Variants in PARD3 observed in about 807,000 individuals in gnomAD.
The protein encoded by PARD3 is par-3 family cell polarity regulator.
A neutral mutation model predicts 155.4 loss-of-function variants in PARD3; 75 were observed. The ratio of observed to expected loss-of-function variants is 0.48; its 90% CI spans 0.40 to 0.58. The LOEUF (loss-of-function observed/expected upper bound fraction) is 0.58. Among genes scored for constraint, PARD3 ranks in the 20% least tolerant of loss-of-function variants. PARD3 has a pLI of 0.00. For synonymous variants in PARD3, 576 were observed against 610.5 expected, an observed-to-expected ratio of 0.94 and a Z score of 0.83; for missense variants, 1,642 against 1,721.7, an observed-to-expected ratio of 0.95 and a Z score of 0.82.
intron 2 of PARD3, among the ~76,000 whole-genome samples, chr10:34,599,053 T>C (rs116666981): frequency 3.9e-5 from 6 of 151,940 alleles, no homozygotes; most frequent in African/African-American, 1.4e-4. Context: ...AACACAAGGG[T>C]CATGCCTGAA....
chr10:34,229,179 T>A (rs532059811), intron 22 of PARD3, among the ~76,000 whole-genome samples: 1 of 152,178 alleles, frequency 6.6e-6, no homozygotes, highest in South Asian at 2.1e-4. Context: ...TGCTTCTGCA[T>A]GAGATGCCTC....
intron 2 of PARD3, among the ~76,000 whole-genome samples, chr10:34,639,152 T>C (rs1043800430): frequency 6.6e-6 from 1 of 152,102 alleles, no homozygotes; most frequent in Admixed American, 6.5e-5. Flanking sequence ...TCCCAGCACT[T>C]TGGGAGGCCT....
chr10:34,283,991 C>T, intron 21 of PARD3, 144 bp downstream of exon 21: 1 of 590,252 alleles, frequency 1.7e-6, no homozygotes, highest in Non-Finnish European at 2.9e-6. Context: ...AATATATTCA[C>T]CCACAACCAT....
At chr10:34,440,555 T>C (rs1266625552) in intron 5 of PARD3, among the ~76,000 whole-genome samples, 1 of 152,152 alleles carries the variant, frequency 6.6e-6, no homozygotes, top group African/African-American at 2.4e-5. Flanking sequence ...GCAGTAGTAT[T>C]CACAGGTAAG....
chr10:34,329,354 A>AT (rs756914671), intron 19 of PARD3, among the ~76,000 whole-genome samples: 8 of 152,158 alleles, frequency 5.3e-5, no homozygotes, highest in African/African-American at 9.7e-5. Flanking sequence ...ATACTTAAAA[A>AT]ATATATATCA....
intron 21 of PARD3, among the ~76,000 whole-genome samples, chr10:34,276,508 T>C (rs1474356314): frequency 6.6e-6 from 1 of 152,226 alleles, no homozygotes; most frequent in Non-Finnish European, 1.5e-5. Context: ...ACAAGACTTC[T>C]GTTTTTGTAA....
At chr10:34,784,310 GC>G (rs1229922667) in intron 1 of PARD3, among the ~76,000 whole-genome samples, 1 of 152,102 alleles carries the variant, frequency 6.6e-6, no homozygotes, top group African/African-American at 2.4e-5. Context: ...GAAAACTGCA[GC>G]CCCATGTGAG....
chr10:34,678,192 G>A (rs566152057), intron 2 of PARD3, among the ~76,000 whole-genome samples: 84 of 151,970 alleles, frequency 5.5e-4, no homozygotes, highest in Non-Finnish European at 9.9e-4. Context: ...CTCCCACCTC[G>A]GCCTCCAGAG....
chr10:34,386,771 G>A (rs143340617), intron 7 of PARD3, among the ~76,000 whole-genome samples: 6,048 of 148,906 alleles, frequency 0.041, 394 homozygotes, highest in African/African-American at 0.14. Flanking sequence ...GCGGTGAGCC[G>A]AGATCGCGCC....
intron 1 of PARD3, among the ~76,000 whole-genome samples, chr10:34,774,193 T>G (rs1028810849): frequency 6.6e-6 from 1 of 152,328 alleles, no homozygotes; most frequent in Middle Eastern, 3.4e-3. Flanking sequence ...TTCTCATTAT[T>G]AGGAAATTAT....
chr10:34,574,053 A>G (rs369023452), intron 2 of PARD3, among the ~76,000 whole-genome samples: 2 of 152,072 alleles, frequency 1.3e-5, no homozygotes. Context: ...TATAATGTTA[A>G]TATTATAAAT....
rs111504355 is a variant in PARD3 at position 34,455,165 on chromosome 10, A to T, written c.583-4717T>A. ...ATAAACATTTCTGTGTTGGCACAGG[A>T]AACCCAACTATGTTTCCACCTCGTT... is the stretch of plus-strand genomic sequence containing the variant. On this transcript the variant is annotated intron_variant, in intron 4 of 24. Transcript: ENST00000374788. Among the ~76,000 whole-genome samples, 1,073 of 152,324 alleles carry T rather than the reference A, an allele frequency of 7.0e-3. 14 individuals are homozygous for T. Among genetic ancestry groups the T allele is most frequent in the African/African-American group, 0.025 (1,019 of 41,564 alleles).
At chr10:34,790,578 T>C (rs950230030) in intron 1 of PARD3, among the ~76,000 whole-genome samples, 1 of 152,086 alleles carries the variant, frequency 6.6e-6, no homozygotes, top group African/African-American at 2.4e-5. Flanking sequence ...AATGAGAAGC[T>C]GAAGTACCAG....
chr10:34,666,133 G>A (rs555716263), intron 2 of PARD3, among the ~76,000 whole-genome samples: 4 of 151,920 alleles, frequency 2.6e-5, no homozygotes, highest in African/African-American at 7.2e-5. Context: ...AGGCTGATGC[G>A]GGAGGATGGC....
At chr10:34,814,791 T>C in intron 1 of PARD3, 85 bp downstream of exon 1, 1 of 1,196,370 alleles carries the variant, frequency 8.4e-7, no homozygotes, top group South Asian at 1.4e-5. Flanking sequence ...CCTGCGCCTC[T>C]CCTCCCCCTT....
chr10:34,595,753 T>C (rs1013394170), intron 2 of PARD3, among the ~76,000 whole-genome samples: 3 of 152,066 alleles, frequency 2.0e-5, no homozygotes, highest in Non-Finnish European at 4.4e-5. Flanking sequence ...ATTCATTATT[T>C]AGGTTAAAAA....
chr10:34,299,174 G>T (rs1214940544), intron 20 of PARD3, among the ~76,000 whole-genome samples: 4 of 152,206 alleles, frequency 2.6e-5, no homozygotes, highest in Non-Finnish European at 5.9e-5. Flanking sequence ...GTGCGAGGAG[G>T]AGCCCAGTGC....
At chr10:34,233,009 A>G (rs1185602079) in intron 22 of PARD3, among the ~76,000 whole-genome samples, 2 of 135,882 alleles carry the variant, frequency 1.5e-5, no homozygotes, top group African/African-American at 2.9e-5. Flanking sequence ...GCCCATCCTC[A>G]AATGTTAATT....
At chr10:34,242,986 C>G (rs1462240977) in intron 22 of PARD3, among the ~76,000 whole-genome samples, 1 of 152,172 alleles carries the variant, frequency 6.6e-6, no homozygotes, top group Admixed American at 6.5e-5. Flanking sequence ...TTTGTAGCCA[C>G]AGTTTAAGAA....
Sources: gnomAD v4.1 joint callset for allele counts (sites outside exome capture counted in the v4.1 genomes callset) on GRCh38, gnomAD v4.1.1 for gene constraint, MANE v1.5 for transcripts, NCBI Gene and HGNC (gene_info 2026-07-23, HGNC 2026-07-21) for gene names.